Variants in ERMARD observed in about 807,000 individuals in gnomAD.
The protein encoded by ERMARD is ER membrane associated RNA degradation.
In ERMARD, 71 loss-of-function variants were observed where a neutral mutation model predicts 83.9. That is an observed-to-expected ratio of 0.85 (90% CI 0.70 to 1.03). The LOEUF (loss-of-function observed/expected upper bound fraction) is 1.03, where lower values mean the gene tolerates loss of function less well. Among genes scored for constraint, ERMARD ranks in the 50% least tolerant of loss-of-function variants. ERMARD has a pLI of 0.00. For missense variants in ERMARD, 838 were observed against 810.9 expected (o/e 1.03, Z -0.41); for synonymous variants, 284 against 298.6 (o/e 0.95, Z 0.50).
chr6:169,769,513 A>G, intron 11 of ERMARD, 27 bp from the exon 12 acceptor site: 1 of 1,585,434 alleles, frequency 6.3e-7, no homozygotes, highest in Non-Finnish European at 8.6e-7. Flanking sequence ...TACTAACAAA[A>G]TATTTTCTCT....
At chr6:169,762,676 C>A in intron 9 of ERMARD, 145 bp downstream of exon 9, 2 of 629,340 alleles carry the variant, frequency 3.2e-6, no homozygotes, top group Admixed American at 6.2e-5. Context: ...CCTATCATTT[C>A]TATAGGATTT....
Position 169,775,975 on chromosome 6 carries a change from C to T in ERMARD, c.1430C>T (p.Ser477Phe). The T allele has an allele frequency of 6.2e-7, 1 of 1,614,184 alleles. No homozygotes were observed. The highest frequency in any genetic ancestry group is 8.5e-7 in the Non-Finnish European group (1 of 1,180,042). Residue 477 changes from serine to phenylalanine, a missense_variant, in exon 15 of 18, where the codon TCT becomes TTT. Coordinates refer to ENST00000366773, the MANE Select transcript of ERMARD (RefSeq NM_018341.3). ...AATTCTGAAACAAATGCCTGCCACT[C>T]TTTGATTACAAAAATGACGGATGAG... The part of the protein sequence containing the change: ...EDNSETNACH[S>F]LITKMTDELY...
intron 15 of ERMARD, 72 bp downstream of exon 15, chr6:169,776,137 T>G (rs1793567570): frequency 6.3e-7 from 1 of 1,586,656 alleles, no homozygotes; most frequent in East Asian, 2.2e-5. Flanking sequence ...CTTAGCATTT[T>G]CTATGTTTTA....
intron 16 of ERMARD, 40 bp from the exon 17 acceptor site, chr6:169,779,142 A>G (rs1487540139): frequency 6.5e-7 from 1 of 1,532,770 alleles, no homozygotes; most frequent in Non-Finnish European, 9.0e-7. Flanking sequence ...GAAAATACCA[A>G]CATATCCTCA....
At chr6:169,770,771 C>T (rs996500685) in intron 12 of ERMARD, 2 of 152,246 alleles carry the variant, frequency 1.3e-5, no homozygotes, top group African/African-American at 4.8e-5. Flanking sequence ...AGGCACAAGC[C>T]ACCATATCCA....
At chr6:169,754,441 A>G (rs1790536815) in intron 2 of ERMARD, among the ~76,000 whole-genome samples, 1 of 152,180 alleles carries the variant, frequency 6.6e-6, no homozygotes, top group Non-Finnish European at 1.5e-5. Context: ...TAGGTGGGGA[A>G]ATTTAATAAT....
intron 10 of ERMARD, chr6:169,767,814 C>G (rs1417088216): frequency 2.4e-6 from 1 of 409,256 alleles, no homozygotes; most frequent in Non-Finnish European, 4.5e-6. Context: ...CAAATGTACA[C>G]ACCCCCACAC....
intron 17 of ERMARD, among the ~76,000 whole-genome samples, chr6:169,780,048 T>C (rs1214145530): frequency 6.6e-6 from 1 of 152,222 alleles, no homozygotes; most frequent in East Asian, 1.9e-4. Context: ...CCTCAGTACA[T>C]GTTTAAATGA....
intron 6 of ERMARD, among the ~76,000 whole-genome samples, chr6:169,759,634 C>G (rs1427583266): frequency 6.6e-6 from 1 of 152,234 alleles, no homozygotes; most frequent in Non-Finnish European, 1.5e-5. Context: ...GTTGCCCACA[C>G]TGGTCTCAGA....
rs191278949 is a variant in ERMARD, at chr6:169,768,974, C to T, written c.1060-566C>T. ...GCTCATGTTCTGTGACTTTAGACTC[C>T]GTGCTCTGTGGACATCCATTTTTAC... On this transcript the variant is annotated intron_variant, in intron 11 of 17. Transcript: ENST00000366773. 5.1e-4 allele frequency among the ~76,000 whole-genome samples: 77 copies of T among 152,246 alleles called. No homozygotes were observed. In the South Asian group the frequency reaches 6.9e-3, roughly 14 times the overall value.
chr6:169,769,850 G>A, intron 12 of ERMARD, 137 bp downstream of exon 12: 3 of 711,588 alleles, frequency 4.2e-6, no homozygotes, highest in Non-Finnish European at 6.5e-6. Context: ...AGAAAAAAAA[G>A]TGAATGGATT....
At chr6:169,764,787 T>C (rs1791994972) in intron 9 of ERMARD, among the ~76,000 whole-genome samples, 1 of 152,208 alleles carries the variant, frequency 6.6e-6, no homozygotes, top group African/African-American at 2.4e-5. Flanking sequence ...CAGAACTTGC[T>C]TGTCTTTCCT....
chr6:169,759,971 C>G lies in ERMARD; in HGVS notation c.739C>G (p.Pro247Ala), dbSNP rs764755049. ...LTNLEDLIVF[P>A]DVTYEVLSVL... Reference sequence around the variant, plus strand: ...AAACCTCGAGGATTTGATTGTTTTTCCTGGTAAGTACTATGTTTCACATTT... The same window carrying G: ...AAACCTCGAGGATTTGATTGTTTTTGCTGGTAAGTACTATGTTTCACATTT... Residue 247 changes from proline to alanine, a missense_variant, in exon 7 of 18, where the codon CCT becomes GCT. Pro to Ala is a conservative substitution (Grantham distance 27). Coordinates refer to ENST00000366773, the MANE Select transcript of ERMARD (RefSeq NM_018341.3). 1 of 1,614,072 alleles carries G rather than the reference C, an allele frequency of 6.2e-7. No homozygotes were observed. Among genetic ancestry groups the G allele is most frequent in the African/African-American group, 1.3e-5 (1 of 75,024 alleles).
chr6:169,753,849 T>C lies in ERMARD; in HGVS notation c.7-15T>C. On this transcript the variant is annotated splice_polypyrimidine_tract_variant and intron_variant, in intron 1 of 17. Coordinates refer to ENST00000366773, the MANE Select transcript of ERMARD (RefSeq NM_018341.3). ...TTCTGTTAAGCAGTGCCTTTTATTT[T>C]ATTTTATTTTTTAGGTATTAATAGG... The C allele has an allele frequency of 1.3e-6, 2 of 1,504,138 alleles. No individual in the cohort carries two copies. Among genetic ancestry groups the C allele is most frequent in the Non-Finnish European group, 1.8e-6 (2 of 1,126,274 alleles). The allele number at this position is 1,504,138 out of a possible 1,614,324, so 93.2% of individuals were successfully genotyped here. A position where few individuals can be genotyped will look rare whatever the true frequency, so the allele number is the denominator to read the frequency against.
At chr6:169,774,756 G>A (rs560847084) in intron 13 of ERMARD, among the ~76,000 whole-genome samples, 1 of 152,338 alleles carries the variant, frequency 6.6e-6, no homozygotes, top group South Asian at 2.1e-4. Context: ...CCTGGGCGTT[G>A]ATGGCTGTGG....
At position 169,781,542 on chromosome 6, in the gene ERMARD, T is replaced by C; in HGVS notation, c.*29T>C. The C allele has an allele frequency of 6.5e-7, 1 of 1,543,432 alleles. No individual in the cohort carries two copies. The highest frequency in any genetic ancestry group is 8.7e-7 in the Non-Finnish European group (1 of 1,144,574). ...CTTGTAAGTCAGGATGCTTTTAATTTTAACAGATTTTAACAGCGTGTAAAT... is the reference window on the plus strand; with the variant it reads ...CTTGTAAGTCAGGATGCTTTTAATTCTAACAGATTTTAACAGCGTGTAAAT... On this transcript the variant is annotated 3_prime_UTR_variant, in exon 18 of 18. Coordinates refer to ENST00000366773, the MANE Select transcript of ERMARD (RefSeq NM_018341.3).
intron 11 of ERMARD, among the ~76,000 whole-genome samples, chr6:169,769,278 C>A (rs950900337): frequency 2.6e-5 from 4 of 152,162 alleles, no homozygotes; most frequent in African/African-American, 9.7e-5. Flanking sequence ...CACTCAGTTC[C>A]CTTCCTTGGA....
chr6:169,766,814 A>G, intron 10 of ERMARD, 147 bp downstream of exon 10: 2 of 852,642 alleles, frequency 2.3e-6, no homozygotes, highest in South Asian at 6.4e-5. Flanking sequence ...AAAAAAGCTG[A>G]TAATTGATAT....
At chr6:169,768,727 C>T (rs1792520430) in intron 11 of ERMARD, among the ~76,000 whole-genome samples, 1 of 152,198 alleles carries the variant, frequency 6.6e-6, no homozygotes, top group South Asian at 2.1e-4. Flanking sequence ...GATCCTGCCA[C>T]TGCACTCCAG....
Sources: allele counts gnomAD v4.1 joint callset (sites outside exome capture counted in the v4.1 genomes callset), GRCh38; gene constraint gnomAD v4.1.1; transcripts MANE v1.5; gene names NCBI Gene and HGNC (gene_info 2026-07-23, HGNC 2026-07-21).